Variants in OSBPL9 observed in about 807,000 individuals in gnomAD.
OSBPL9 encodes oxysterol-binding protein-related protein 9.
In OSBPL9, 40 loss-of-function variants were observed where a neutral mutation model predicts 106.6. That is an observed-to-expected ratio of 0.38 (90% CI 0.29 to 0.49). OSBPL9 has a LOEUF of 0.49. Ranked by LOEUF, OSBPL9 falls within the 20% of genes least tolerant of loss-of-function variation. OSBPL9 has a pLI of 0.97. For missense variants in OSBPL9, 609 were observed against 887.2 expected (o/e 0.69, Z 3.98); for synonymous variants, 269 against 295.4 (o/e 0.91, Z 0.92).
chr1:51,724,645 C>T (rs1662784011), intron 4 of OSBPL9: 1 of 153,162 alleles, frequency 6.5e-6, no homozygotes, highest in Non-Finnish European at 1.5e-5. Flanking sequence ...TTTTGCTCTT[C>T]TGTAGGCAAG....
chr1:51,709,189 G>C, intron 3 of OSBPL9: 1 of 176,466 alleles, frequency 5.7e-6, no homozygotes, highest in Non-Finnish European at 1.2e-5. Context: ...CAACATGCCA[G>C]TAAGCAGATT....
At position 51,685,565 on chromosome 1, in the gene OSBPL9, C is replaced by T. The variant is rs145947489; in HGVS notation, c.241+16053C>T. The stretch of plus-strand genomic sequence containing the variant: ...TGGGATTATAGGCGCGCCACCACAC[C>T]GTCTAATTTTTTTGTAGAGACGAGG... On this transcript the variant is annotated intron_variant, in intron 3 of 23. Transcript: ENST00000428468. Among the ~76,000 whole-genome samples, 971 of 152,148 alleles carry T rather than the reference C, an allele frequency of 6.4e-3. 7 individuals carry two copies. Among genetic ancestry groups the T allele is most frequent in the Non-Finnish European group, 0.011 (758 of 67,992 alleles).
At chr1:51,707,692 A>C in intron 3 of OSBPL9, 1 of 204,254 alleles carries the variant, frequency 4.9e-6, no homozygotes. Context: ...TTGGTGGTGC[A>C]GGAGGCATTA....
At chr1:51,570,586 C>A in the OSBPL9 span, among the ~76,000 whole-genome samples, 1 of 152,162 alleles carries the variant, frequency 6.6e-6, no homozygotes, top group Non-Finnish European at 1.5e-5. Context: ...TCATGCCATA[C>A]AAGCAAAGTC....
At chr1:51,697,648 C>T (rs1656344709) in intron 3 of OSBPL9, among the ~76,000 whole-genome samples, 1 of 151,200 alleles carries the variant, frequency 6.6e-6, no homozygotes. Flanking sequence ...CTAAAAGCTA[C>T]TTCTTGTAGT....
intron 1 of OSBPL9, among the ~76,000 whole-genome samples, chr1:51,592,534 T>A (rs1308288739): frequency 2.6e-5 from 4 of 152,160 alleles, no homozygotes; most frequent in Non-Finnish European, 5.9e-5. Context: ...AATTGTTTAC[T>A]GGGCTGGAAA....
chr1:51,634,512 G>C (rs1305033016), intron 1 of OSBPL9, among the ~76,000 whole-genome samples: 1 of 152,226 alleles, frequency 6.6e-6, no homozygotes, highest in Non-Finnish European at 1.5e-5. Flanking sequence ...TGAGTTGACA[G>C]TCGCCAGATT....
At chr1:51,633,569 C>A (rs1645239007) in intron 1 of OSBPL9, among the ~76,000 whole-genome samples, 1 of 150,850 alleles carries the variant, frequency 6.6e-6, no homozygotes, top group East Asian at 2.0e-4. Context: ...CCAGCCCGGG[C>A]AACAGAGCAA....
At chr1:51,537,087 C>T in the OSBPL9 span, among the ~76,000 whole-genome samples, 2 of 152,206 alleles carry the variant, frequency 1.3e-5, no homozygotes, top group African/African-American at 4.8e-5. Flanking sequence ...TGATTTTCTA[C>T]TTCTATCATT....
intron 2 of OSBPL9, among the ~76,000 whole-genome samples, chr1:51,604,056 T>C (rs1212788088): frequency 6.6e-6 from 1 of 152,134 alleles, no homozygotes; most frequent in Non-Finnish European, 1.5e-5. Flanking sequence ...CCCAGCTTGC[T>C]CTGTGCACAG....
intron 4 of OSBPL9, among the ~76,000 whole-genome samples, chr1:51,718,201 G>T (rs974826057): frequency 1.3e-5 from 2 of 152,152 alleles, no homozygotes; most frequent in African/African-American, 4.8e-5. Flanking sequence ...GTTACCAGAG[G>T]CTGGAAGGGT....
At chr1:51,664,150 A>T (rs761301788) in intron 2 of OSBPL9, among the ~76,000 whole-genome samples, 1 of 152,234 alleles carries the variant, frequency 6.6e-6, no homozygotes. Flanking sequence ...AAATACATGT[A>T]TAACAAAAGA....
intron 2 of OSBPL9, among the ~76,000 whole-genome samples, chr1:51,607,527 T>C (rs1176456190): frequency 6.6e-6 from 1 of 152,182 alleles, no homozygotes; most frequent in Admixed American, 6.5e-5. Context: ...TTTTATAAAA[T>C]TGGAATCATA....
rs772073429 is a variant in OSBPL9, at chr1:51,781,202, A to G, written c.1295A>G (p.Gln432Arg). 9.9e-6 allele frequency: 16 copies of G among 1,613,950 alleles called. No homozygotes were observed. Among genetic ancestry groups the G allele is most frequent in the Admixed American group, 1.7e-5 (1 of 59,996 alleles). The change falls in exon 16 of 24, where the codon CAG becomes CGG. Residue 432 changes from glutamine to arginine, a missense_variant. Coordinates refer to ENST00000428468, the MANE Select transcript of OSBPL9 (RefSeq NM_024586.6). ...AAGGATCCCAAGGATCGAATGGTTCAGGTTGTGAAATGGTACCTCTCAGCC... is the reference window on the plus strand; with the variant it reads ...AAGGATCCCAAGGATCGAATGGTTCGGGTTGTGAAATGGTACCTCTCAGCC... ...DQKDPKDRMV[Q>R]VVKWYLSAFH...
intron 16 of OSBPL9, 50 bp from the exon 17 acceptor site, chr1:51,782,509 G>A: frequency 6.5e-7 from 1 of 1,540,094 alleles, no homozygotes. Context: ...TCTCTGAAAT[G>A]TCATTTGTGT....
upstream of OSBPL9, among the ~76,000 whole-genome samples, chr1:51,572,945 C>T (rs896164475): frequency 6.6e-6 from 1 of 151,886 alleles, no homozygotes; most frequent in Non-Finnish European, 1.5e-5. Context: ...CGCAGTGGCA[C>T]TCACACCTGT....
At chr1:51,625,677 C>G (rs1280097251) in intron 1 of OSBPL9, among the ~76,000 whole-genome samples, 1 of 152,110 alleles carries the variant, frequency 6.6e-6, no homozygotes, top group Non-Finnish European at 1.5e-5. Context: ...GCATGCGCCA[C>G]CACACTGGCT....
intron 2 of OSBPL9, among the ~76,000 whole-genome samples, chr1:51,666,142 C>G (rs535699409): frequency 1.4e-4 from 22 of 152,278 alleles, no homozygotes; most frequent in African/African-American, 5.1e-4. Flanking sequence ...GCCGCCGCAC[C>G]CGGCCTCCGG....
At chr1:51,787,217 C>T in intron 22 of OSBPL9, 136 bp from the exon 23 acceptor site, 1 of 806,680 alleles carries the variant, frequency 1.2e-6, no homozygotes, top group Non-Finnish European at 2.0e-6. Flanking sequence ...TACTCCAGTG[C>T]CCTGGTGCCA....
Sources: allele counts gnomAD v4.1 joint callset (sites outside exome capture counted in the v4.1 genomes callset), GRCh38; gene constraint gnomAD v4.1.1; transcripts MANE v1.5; gene names NCBI Gene and HGNC (gene_info 2026-07-23, HGNC 2026-07-21).